RBFOX1: variants seen among roughly 807,000 people sequenced by gnomAD.
RBFOX1 encodes RNA binding protein fox-1 homolog 1.
In RBFOX1, 8 loss-of-function variants were observed where a neutral mutation model predicts 57.7. The ratio of observed to expected loss-of-function variants is 0.14; its 90% CI spans 0.08 to 0.25. The LOEUF (loss-of-function observed/expected upper bound fraction) is 0.25, where lower values mean the gene tolerates loss of function less well. RBFOX1 is among the 10% of genes least tolerant of loss of function. The pLI, the probability that RBFOX1 is intolerant of heterozygous loss-of-function variation, is 1.00. For missense variants in RBFOX1, 611 were observed against 548.5 expected (o/e 1.11, Z -1.14); for synonymous variants, 326 against 222.4 (o/e 1.47, Z -4.15).
chr16:6,687,565 C>G (rs1041860138), intron 3 of RBFOX1, among the ~76,000 whole-genome samples: 1 of 152,178 alleles, frequency 6.6e-6, no homozygotes, highest in Non-Finnish European at 1.5e-5. Flanking sequence ...TTATCACTTG[C>G]AAGCTTATTT....
intron 4 of RBFOX1, among the ~76,000 whole-genome samples, chr16:7,119,666 T>G (rs1024095326): frequency 6.6e-6 from 1 of 152,010 alleles, no homozygotes; most frequent in African/African-American, 2.4e-5. Flanking sequence ...AAAACAATCT[T>G]AAACAATCAT....
intron 1 of RBFOX1, among the ~76,000 whole-genome samples, chr16:6,044,718 C>A (rs1232665489): frequency 6.6e-6 from 1 of 152,254 alleles, no homozygotes; most frequent in Non-Finnish European, 1.5e-5. Context: ...TGTGCATTCT[C>A]CTGTGAGAAC....
intron 3 of RBFOX1, chr16:6,704,866 T>G (rs1403159221): frequency 1.3e-5 from 2 of 152,202 alleles, no homozygotes; most frequent in Non-Finnish European, 1.5e-5. Context: ...TTTTTGGGTT[T>G]GTTTTGCTTC....
At position 6,907,504 on chromosome 16, in the gene RBFOX1, C is replaced by T. The variant is rs758707194; in HGVS notation, c.-15-144553C>T. ...GATCAAGATGCCAGCAGGGGTGGTT[C>T]CTTCTGAAAACTGGGAGAGAGAATC... On this transcript the variant is annotated intron_variant, in intron 3 of 15. Coordinates refer to ENST00000550418, the MANE Select transcript of RBFOX1 (RefSeq NM_018723.4). Among the ~76,000 whole-genome samples the T allele has an allele frequency of 4.6e-5, 7 of 152,102 alleles. 1 individual carries two copies. Among genetic ancestry groups the T allele is most frequent in the African/African-American group, 1.7e-4 (7 of 41,396 alleles).
At chr16:6,581,864 C>T (rs978128567) in intron 2 of RBFOX1, among the ~76,000 whole-genome samples, 2 of 152,242 alleles carry the variant, frequency 1.3e-5, no homozygotes, top group Non-Finnish European at 2.9e-5. Flanking sequence ...ACATGTCCAA[C>T]ACAATCAGAG....
chr16:5,771,425 T>C (rs1047950652), intron 3 of RBFOX1, among the ~76,000 whole-genome samples: 3 of 152,202 alleles, frequency 2.0e-5, no homozygotes, highest in African/African-American at 7.2e-5. Context: ...TTTTGTTTTC[T>C]TGAGGTGGAG....
intron 1 of RBFOX1, among the ~76,000 whole-genome samples, chr16:6,204,672 G>T (rs1180369025): frequency 6.6e-6 from 1 of 152,122 alleles, no homozygotes; most frequent in African/African-American, 2.4e-5. Flanking sequence ...CATTTATGGG[G>T]TAAAGAAAAG....
At chr16:7,400,782 A>G (rs776562238) in intron 4 of RBFOX1, among the ~76,000 whole-genome samples, 4 of 152,210 alleles carry the variant, frequency 2.6e-5, no homozygotes, top group Non-Finnish European at 5.9e-5. Flanking sequence ...TTCAGTTCCC[A>G]GCAGCATGGT....
chr16:5,713,410 A>G (rs2051568065), intron 3 of RBFOX1, among the ~76,000 whole-genome samples: 1 of 152,104 alleles, frequency 6.6e-6, no homozygotes, highest in Non-Finnish European at 1.5e-5. Context: ...AGATTGGTGA[A>G]ACTTGTTCTT....
intron 3 of RBFOX1, among the ~76,000 whole-genome samples, chr16:6,946,904 C>A (rs952038041): frequency 6.6e-6 from 1 of 152,112 alleles, no homozygotes; most frequent in African/African-American, 2.4e-5. Flanking sequence ...TCACCACATC[C>A]AGCCCAGAAA....
chr16:6,878,643 G>A (rs902199479), intron 3 of RBFOX1, among the ~76,000 whole-genome samples: 2 of 152,166 alleles, frequency 1.3e-5, no homozygotes, highest in African/African-American at 4.8e-5. Context: ...AGTCACTGTG[G>A]TTCGTGTTAG....
intron 1 of RBFOX1, among the ~76,000 whole-genome samples, chr16:6,222,854 C>T (rs2097385386): frequency 6.6e-6 from 1 of 151,938 alleles, no homozygotes; most frequent in Non-Finnish European, 1.5e-5. Context: ...TTCCGCCCTA[C>T]CCCCACCCCA....
intron 3 of RBFOX1, among the ~76,000 whole-genome samples, chr16:6,778,232 T>C (rs1436900992): frequency 6.6e-6 from 1 of 152,130 alleles, no homozygotes; most frequent in Non-Finnish European, 1.5e-5. Flanking sequence ...AATTAAAACA[T>C]TAATTTCATC....
chr16:6,677,857 G>A (rs116298775), intron 3 of RBFOX1, among the ~76,000 whole-genome samples: 4,213 of 152,098 alleles, frequency 0.028, 200 homozygotes, highest in African/African-American at 0.096. Context: ...AAAATTAAAA[G>A]GCCTATTAAT....
chr16:5,593,552 C>T (rs1780544267), intron 2 of RBFOX1, among the ~76,000 whole-genome samples: 1 of 152,102 alleles, frequency 6.6e-6, no homozygotes, highest in Admixed American at 6.5e-5. Context: ...CAAAACCCAC[C>T]AAAACCAAGA....
intron 3 of RBFOX1, among the ~76,000 whole-genome samples, chr16:5,791,190 A>T: frequency 6.6e-6 from 1 of 152,108 alleles, no homozygotes; most frequent in East Asian, 1.9e-4. Flanking sequence ...TTTGTCACGC[A>T]TGACTCAGCT....
chr16:5,515,436 G>A (rs2043756795), intron 2 of RBFOX1, among the ~76,000 whole-genome samples: 1 of 152,184 alleles, frequency 6.6e-6, no homozygotes, highest in Non-Finnish European at 1.5e-5. Context: ...TTTGTGAAGA[G>A]GTGTTTTGTC....
intron 1 of RBFOX1, among the ~76,000 whole-genome samples, chr16:6,096,480 C>T (rs1276679046): frequency 6.6e-6 from 1 of 152,122 alleles, no homozygotes. Context: ...CCCTGTAGAA[C>T]TTTGCGGATA....
chr16:6,328,898 G>C (rs531267007), intron 2 of RBFOX1, among the ~76,000 whole-genome samples: 3 of 152,234 alleles, frequency 2.0e-5, no homozygotes, highest in South Asian at 4.1e-4. Context: ...AGGAAGAAGA[G>C]AGAAGAGAGA....
Sources: allele counts gnomAD v4.1 joint callset (sites outside exome capture counted in the v4.1 genomes callset), GRCh38; gene constraint gnomAD v4.1.1; transcripts MANE v1.5; gene names NCBI Gene and HGNC (gene_info 2026-07-23, HGNC 2026-07-21).